The following TMTC2 variants were observed in gnomAD, a reference collection of about 807,000 sequenced individuals.
The protein encoded by TMTC2 is transmembrane O-mannosyltransferase targeting cadherins 2.
Under a neutral mutation model 82.4 loss-of-function variants are expected in TMTC2, and 43 were observed. The ratio of observed to expected loss-of-function variants is 0.52; its 90% CI spans 0.41 to 0.67. The LOEUF (loss-of-function observed/expected upper bound fraction) is 0.67, where lower values mean the gene tolerates loss of function less well. Among genes scored for constraint, TMTC2 ranks in the 30% least tolerant of loss-of-function variants. The pLI is 0.00. For synonymous variants in TMTC2, 408 were observed against 381.9 expected (o/e 1.07, Z -0.80); for missense variants, 919 against 1,012.4 (o/e 0.91, Z 1.25).
chr12:82,986,151 G>T, intron 8 of TMTC2, 105 bp downstream of exon 8: 2 of 1,473,616 alleles, frequency 1.4e-6, no homozygotes, highest in Non-Finnish European at 1.9e-6. Context: ...AAGCTATTAG[G>T]GATGCAATGG....
At chr12:82,881,324 T>C (rs1476586607) in intron 2 of TMTC2, among the ~76,000 whole-genome samples, 2 of 152,236 alleles carry the variant, frequency 1.3e-5, no homozygotes, top group Admixed American at 1.3e-4. Flanking sequence ...TTTCAAAATC[T>C]TACCGTGAAT....
chr12:83,053,538 G>A (rs1312096400), intron 10 of TMTC2, among the ~76,000 whole-genome samples: 1 of 152,034 alleles, frequency 6.6e-6, no homozygotes, highest in Non-Finnish European at 1.5e-5. Flanking sequence ...CATTACAAAT[G>A]TAGCAAAAAG....
intron 8 of TMTC2, chr12:82,986,693 T>C (rs1879168018): frequency 6.6e-6 from 1 of 152,544 alleles, no homozygotes; most frequent in Non-Finnish European, 1.5e-5. Context: ...TGATGGCCTC[T>C]TACTATGTGA....
chr12:82,766,948 G>A (rs904250596), intron 1 of TMTC2, among the ~76,000 whole-genome samples: 11 of 152,186 alleles, frequency 7.2e-5, no homozygotes, highest in South Asian at 6.2e-4. Context: ...ACAAGTGCAC[G>A]CCACCACACC....
At chr12:82,978,899 C>A (rs913072160) in intron 7 of TMTC2, among the ~76,000 whole-genome samples, 6 of 151,716 alleles carry the variant, frequency 4.0e-5, no homozygotes, top group African/African-American at 1.5e-4. Context: ...ATTGTTATAT[C>A]CTCTTGCTGA....
At chr12:83,044,617 C>G (rs7961389) in intron 9 of TMTC2, among the ~76,000 whole-genome samples, 70,946 of 152,056 alleles carry the variant, frequency 0.47, 17,250 homozygotes, top group East Asian at 0.79. Flanking sequence ...AAAGGTATCA[C>G]TAGAGTTCAG....
chr12:82,949,404 G>A (rs1249019631), intron 4 of TMTC2, among the ~76,000 whole-genome samples: 1 of 152,182 alleles, frequency 6.6e-6, no homozygotes, highest in African/African-American at 2.4e-5. Flanking sequence ...GATTCCAGAA[G>A]ATATATATGG....
chr12:82,808,502 A>G (rs1226369814), intron 1 of TMTC2, among the ~76,000 whole-genome samples: 1 of 152,098 alleles, frequency 6.6e-6, no homozygotes, highest in Non-Finnish European at 1.5e-5. Context: ...GTCAGTTCGT[A>G]GATATGGAAA....
At chr12:82,958,370 ACAAAAAAAAC>A (rs1426602418) in intron 4 of TMTC2, among the ~76,000 whole-genome samples, 2,328 of 20,550 alleles carry the variant, frequency 0.11, 180 homozygotes, top group African/African-American at 0.15. Context: ...AAAAAAAAAA[ACAAAAAAAAC>A]AAAAAAACTA....
chr12:82,736,296 T>C (rs961439273), intron 1 of TMTC2, among the ~76,000 whole-genome samples: 1 of 152,172 alleles, frequency 6.6e-6, no homozygotes, highest in African/African-American at 2.4e-5. Context: ...TTATTAGCAA[T>C]TTTCAAGATG....
intron 9 of TMTC2, among the ~76,000 whole-genome samples, chr12:83,046,694 G>T (rs186230035): frequency 1.8e-4 from 27 of 152,206 alleles, no homozygotes. Flanking sequence ...ATTCTTCAGG[G>T]AAGAGCACCT....
At chr12:82,937,963 G>A (rs1324808414) in intron 4 of TMTC2, among the ~76,000 whole-genome samples, 2 of 146,624 alleles carry the variant, frequency 1.4e-5, no homozygotes, top group Non-Finnish European at 3.0e-5. Context: ...CGCCCAGGGT[G>A]GAGTGCAGTG....
At chr12:83,105,011 G>A (rs940135515) in intron 11 of TMTC2, among the ~76,000 whole-genome samples, 4 of 152,060 alleles carry the variant, frequency 2.6e-5, no homozygotes, top group African/African-American at 9.7e-5. Flanking sequence ...AGATACCCTA[G>A]GTCATCATTC....
At chr12:82,779,265 A>G (rs1283715221) in intron 1 of TMTC2, among the ~76,000 whole-genome samples, 1 of 152,012 alleles carries the variant, frequency 6.6e-6, no homozygotes, top group Non-Finnish European at 1.5e-5. Flanking sequence ...AAAGTTGGTG[A>G]GGGCAGAGGC....
chr12:83,007,757 A>G (rs1167719764), intron 8 of TMTC2, among the ~76,000 whole-genome samples: 1 of 152,148 alleles, frequency 6.6e-6, no homozygotes, highest in Non-Finnish European at 1.5e-5. Context: ...CAAGTCTCTG[A>G]TATCATTTTC....
chr12:82,963,525 G>T (rs1040690539), intron 4 of TMTC2, among the ~76,000 whole-genome samples: 1 of 151,148 alleles, frequency 6.6e-6, no homozygotes, highest in Non-Finnish European at 1.5e-5. Flanking sequence ...TTGTAGAAAA[G>T]TTTCAGAAGT....
chr12:82,800,003 A>G (rs1224628059), intron 1 of TMTC2, among the ~76,000 whole-genome samples: 2 of 152,064 alleles, frequency 1.3e-5, no homozygotes, highest in African/African-American at 4.8e-5. Flanking sequence ...AAAAGTAAAG[A>G]GATATAAACT....
intron 11 of TMTC2, among the ~76,000 whole-genome samples, chr12:83,110,711 G>A (rs1884571621): frequency 6.6e-6 from 1 of 152,004 alleles, no homozygotes. Flanking sequence ...CCTAACTCTG[G>A]TACCTCTTGT....
intron 1 of TMTC2, among the ~76,000 whole-genome samples, chr12:82,727,444 T>C (rs539051407): frequency 1.5e-4 from 23 of 152,242 alleles, no homozygotes; most frequent in African/African-American, 5.1e-4. Flanking sequence ...GATTCATAAC[T>C]TAAAATTTTC....
Sources: allele counts gnomAD v4.1 joint callset (sites outside exome capture counted in the v4.1 genomes callset), GRCh38; gene constraint gnomAD v4.1.1; transcripts MANE v1.5; gene names NCBI Gene and HGNC (gene_info 2026-07-23, HGNC 2026-07-21).